The following CEP76 variants were observed in gnomAD, a reference collection of about 807,000 sequenced individuals.
CEP76 encodes the protein centrosomal protein 76, also known as centrosomal protein of 76 kDa.
In CEP76, 55 loss-of-function variants were observed where a neutral mutation model predicts 83.3. The observed-to-expected ratio is 0.66, with a 90% CI of 0.53 to 0.83. The LOEUF (loss-of-function observed/expected upper bound fraction) is 0.83, where lower values mean the gene tolerates loss of function less well. Among genes scored for constraint, CEP76 ranks in the 40% least tolerant of loss-of-function variants. CEP76 has a pLI of 0.00. For missense variants in CEP76, 694 were observed against 799.5 expected, an observed-to-expected ratio of 0.87 and a Z score of 1.59; for synonymous variants, 270 against 274.5, an observed-to-expected ratio of 0.98 and a Z score of 0.16.
chr18:12,680,865 A>G, intron 8 of CEP76, 37 bp from the exon 9 acceptor site: 6 of 1,552,528 alleles, frequency 3.9e-6, no homozygotes, highest in Non-Finnish European at 5.3e-6. Flanking sequence ...TCATTCTTCC[A>G]TATTATTTCC....
At chr18:12,672,581 G>A, downstream of CEP76, 1 of 847,656 alleles carries the variant, frequency 1.2e-6, no homozygotes, top group Non-Finnish European at 1.4e-6. Context: ...TCAGAAGATA[G>A]AATCCATGAA....
intron 1 of CEP76, among the ~76,000 whole-genome samples, chr18:12,702,056 G>A (rs886794164): frequency 6.6e-6 from 1 of 152,192 alleles, no homozygotes; most frequent in Admixed American, 6.5e-5. Context: ...AACCTGGGAG[G>A]CGGAGGTTGC....
intron 10 of CEP76, 97 bp downstream of exon 10, chr18:12,678,012 G>A: frequency 1.1e-6 from 1 of 896,138 alleles, no homozygotes; most frequent in Non-Finnish European, 1.7e-6. Context: ...TTTGTTCAGG[G>A]CTAGAATAGT....
Position 12,673,351 on chromosome 18 carries a change from T to C in CEP76, c.*14A>G, listed in dbSNP as rs1598612908. 3 of 1,596,110 alleles carry C rather than the reference T, an allele frequency of 1.9e-6. No individual in the cohort carries two copies. The highest frequency in any genetic ancestry group is 2.3e-5 in the East Asian group (1 of 43,648). On this transcript the variant is annotated 3_prime_UTR_variant, in exon 12 of 12. Transcript: ENST00000262127. ...CAATTAAACACAGGTATAAATCTTA[T>C]ATAAATATTGGCCCTATAATACCGA... is the stretch of plus-strand genomic sequence containing the variant.
Position 12,695,274 on chromosome 18 carries a change from G to C in CEP76, c.784C>G (p.Gln262Glu). 1.9e-6 allele frequency: 3 copies of C among 1,539,106 alleles called. No individual in the cohort carries two copies. The highest frequency in any genetic ancestry group is 2.7e-6 in the Non-Finnish European group (3 of 1,121,880). ...MYPPLNQTLSQEVVNTQLALE... is the reference protein window; with the variant it reads ...MYPPLNQTLSEEVVNTQLALE... ...TTTACCTGTGTGTTCACTACTTCTT[G>C]AGATAACGTTTGATTGAGTGGTGGA... The change falls in exon 6 of 12, where the codon CAA becomes GAA. Residue 262 changes from glutamine to glutamate, a missense_variant. Physicochemically the swap from Gln to Glu is conservative, Grantham distance 29. Coordinates refer to ENST00000262127, the MANE Select transcript of CEP76 (RefSeq NM_024899.4).
chr18:12,689,859 C>G (rs11663668), intron 7 of CEP76, among the ~76,000 whole-genome samples: 1 of 152,046 alleles, frequency 6.6e-6, no homozygotes, highest in Non-Finnish European at 1.5e-5. Context: ...GCGTGATCTT[C>G]GCTCACTGCA....
downstream of CEP76, among the ~76,000 whole-genome samples, chr18:12,668,734 C>CTTTTT (rs543253434): frequency 8.3e-5 from 8 of 96,644 alleles, no homozygotes; most frequent in South Asian, 3.4e-4. Flanking sequence ...CACTTTATTC[C>CTTTTT]TTTTTTTTTT....
At chr18:12,690,026 G>T (rs1373072614) in intron 7 of CEP76, among the ~76,000 whole-genome samples, 2 of 152,132 alleles carry the variant, frequency 1.3e-5, no homozygotes, top group African/African-American at 2.4e-5. Flanking sequence ...TGACCTCAGA[G>T]GATCCACCTG....
chr18:12,698,409 C>T (rs1384644358), intron 4 of CEP76, among the ~76,000 whole-genome samples: 3 of 151,928 alleles, frequency 2.0e-5, no homozygotes, highest in Non-Finnish European at 4.4e-5. Flanking sequence ...CCTCAGGTGA[C>T]CCACCTGCCT....
downstream of CEP76, among the ~76,000 whole-genome samples, chr18:12,670,130 G>A (rs141815291): frequency 9.0e-3 from 1,362 of 152,148 alleles, 28 homozygotes; most frequent in African/African-American, 0.03. Flanking sequence ...AGGAGTTCGC[G>A]ACCAGCCTGG....
At chr18:12,665,912 G>A (rs1054110354) in intron 12 of CEP76, among the ~76,000 whole-genome samples, 7 of 152,128 alleles carry the variant, frequency 4.6e-5, no homozygotes, top group South Asian at 2.1e-4. Flanking sequence ...GGCCAGGCTG[G>A]TCTTGAACGC....
At chr18:12,700,527 GCAGT>G (rs1271140352) in intron 2 of CEP76, among the ~76,000 whole-genome samples, 1 of 152,092 alleles carries the variant, frequency 6.6e-6, no homozygotes, top group Non-Finnish European at 1.5e-5. Context: ...GGACTCTTAT[GCAGT>G]CAATTATTTT....
intron 9 of CEP76, 55 bp from the exon 10 acceptor site, chr18:12,678,497 T>A: frequency 8.4e-7 from 1 of 1,185,706 alleles, no homozygotes; most frequent in South Asian, 1.6e-5. Context: ...AAAGGCAGCA[T>A]CTTACTGAGA....
chr18:12,674,650 T>C lies in CEP76; in HGVS notation c.1727A>G (p.Asn576Ser), dbSNP rs373646506. 4.3e-5 allele frequency: 70 copies of C among 1,613,870 alleles called. No homozygotes were observed. Among genetic ancestry groups the C allele is most frequent in the African/African-American group, 2.4e-4 (18 of 74,904 alleles). The change falls in exon 11 of 12, where the codon AAT becomes AGT. Residue 576 changes from asparagine (N) to serine (S), a missense_variant. Asn to Ser is a conservative substitution (Grantham distance 46). Coordinates refer to ENST00000262127, the MANE Select transcript of CEP76 (RefSeq NM_024899.4). The stretch of plus-strand genomic sequence containing the variant: ...TCTTATGGCATCTTGAAATTCTTCA[T>C]TGCCTGCTGATATACTTGTTGTACG... ...FERTTSISAG[N>S]EEFQDAIRRA...
At chr18:12,688,031 C>G (rs2039605561) in intron 7 of CEP76, among the ~76,000 whole-genome samples, 1 of 151,828 alleles carries the variant, frequency 6.6e-6, no homozygotes, top group Non-Finnish European at 1.5e-5. Context: ...ATCACGAGGT[C>G]AGGAGATCAA....
chr18:12,695,835 A>C (rs1209025107), intron 5 of CEP76, among the ~76,000 whole-genome samples: 4 of 148,522 alleles, frequency 2.7e-5, no homozygotes, highest in African/African-American at 1.0e-4. Flanking sequence ...AGCAACTGTT[A>C]ACACCTCATT....
At chr18:12,693,283 G>A (rs1038697059) in intron 6 of CEP76, among the ~76,000 whole-genome samples, 2 of 152,040 alleles carry the variant, frequency 1.3e-5, no homozygotes, top group Non-Finnish European at 2.9e-5. Context: ...ACCTGGTGGG[G>A]CACAATGGTC....
chr18:12,670,443 T>G (rs1050331937), downstream of CEP76: 4 of 152,134 alleles, frequency 2.6e-5, no homozygotes, highest in Admixed American at 2.6e-4. Flanking sequence ...ATAAAAAGCA[T>G]ATTTATTACA....
Position 12,678,155 on chromosome 18 carries a change from T to G in CEP76, c.1577A>C (p.Asn526Thr). The change falls in exon 10 of 12, where the codon AAT becomes ACT. Residue 526 changes from asparagine (N) to threonine (T), a missense_variant. Transcript: ENST00000262127. ...ASTIDASVTSNEIEMQLRLLV... is the reference protein window; with the variant it reads ...ASTIDASVTSTEIEMQLRLLV... ...GAGCCTCAGCTGCATTTCAATTTCA[T>G]TACTTGTTACTGACGCGTCAATTGT... 2 of 1,614,006 alleles carry G rather than the reference T, an allele frequency of 1.2e-6. No homozygotes were observed. The highest frequency in any genetic ancestry group is 8.5e-7 in the Non-Finnish European group (1 of 1,179,850).
Sources: allele counts gnomAD v4.1 joint callset (sites outside exome capture counted in the v4.1 genomes callset), GRCh38; gene constraint gnomAD v4.1.1; transcripts MANE v1.5; gene names NCBI Gene and HGNC (gene_info 2026-07-23, HGNC 2026-07-21).